RAB2A: variants seen among roughly 807,000 people sequenced by gnomAD.
The protein encoded by RAB2A is ras-related protein Rab-2A.
A neutral mutation model predicts 32.5 loss-of-function variants in RAB2A; 7 were observed. The observed-to-expected ratio is 0.22, with a 90% CI of 0.12 to 0.40. The LOEUF is 0.40. RAB2A is among the 10% of genes least tolerant of loss of function. The pLI is 1.00. For synonymous variants in RAB2A, 79 were observed against 85.2 expected (o/e 0.93, Z 0.40); for missense variants, 108 against 260.7 (o/e 0.41, Z 4.03).
At position 60,557,332 on chromosome 8, in the gene RAB2A, A is replaced by G. The variant is rs543334621; in HGVS notation, c.47-1520A>G. 3.9e-5 allele frequency among the ~76,000 whole-genome samples: 6 copies of G among 152,232 alleles called. No homozygotes were observed. In the South Asian group the frequency reaches 1.2e-3, roughly 32 times the overall value. On this transcript the variant is annotated intron_variant, in intron 1 of 7. Coordinates refer to ENST00000262646, the MANE Select transcript of RAB2A (RefSeq NM_002865.3). Reference sequence around the variant, plus strand: ...GGAGTTTGAGACCAGCCTGGCCAACATAGCAACACCCTGTCTCTACTAAAG... The same window carrying G: ...GGAGTTTGAGACCAGCCTGGCCAACGTAGCAACACCCTGTCTCTACTAAAG...
chr8:60,523,466 A>G lies in RAB2A; in HGVS notation c.46+6213A>G, dbSNP rs575238031. Among the ~76,000 whole-genome samples the G allele has an allele frequency of 2.5e-4, 38 of 152,068 alleles. No individual in the cohort carries two copies. The South Asian group carries it at 5.8e-3, about 23-fold the overall frequency. ...GCCACCACGCCCGGCCAAGGACTCCACATTCTTACATATGTCTCTTTCTCA... is the reference window on the plus strand; with the variant it reads ...GCCACCACGCCCGGCCAAGGACTCCGCATTCTTACATATGTCTCTTTCTCA... On this transcript the variant is annotated intron_variant, in intron 1 of 7. Transcript: ENST00000262646.
At chr8:60,578,525 T>G (rs1803680383) in intron 3 of RAB2A, among the ~76,000 whole-genome samples, 1 of 152,008 alleles carries the variant, frequency 6.6e-6, no homozygotes, top group African/African-American at 2.4e-5. Flanking sequence ...ATTTTCAGAC[T>G]ATAGACAAGA....
At chr8:60,521,946 G>C (rs1198047180) in intron 1 of RAB2A, among the ~76,000 whole-genome samples, 2 of 152,170 alleles carry the variant, frequency 1.3e-5, no homozygotes, top group Non-Finnish European at 2.9e-5. Flanking sequence ...TGATGCAAGT[G>C]ATTTGGAGCA....
chr8:60,610,813 T>TA (rs1804329924), intron 6 of RAB2A, among the ~76,000 whole-genome samples: 1 of 152,222 alleles, frequency 6.6e-6, no homozygotes, highest in African/African-American at 2.4e-5. Flanking sequence ...GTCATATACT[T>TA]ACACACTCAC....
chr8:60,602,757 TAGAA>T (rs1563483981), intron 6 of RAB2A, among the ~76,000 whole-genome samples: 1 of 152,218 alleles, frequency 6.6e-6, no homozygotes, highest in Non-Finnish European at 1.5e-5. Context: ...CCCTTGGACT[TAGAA>T]AGAAACAGCA....
At chr8:60,591,621 C>G (rs1365265946) in intron 5 of RAB2A, 1 of 328,746 alleles carries the variant, frequency 3.0e-6, no homozygotes, top group Non-Finnish European at 5.7e-6. Flanking sequence ...ACGGCTAGTT[C>G]TAACGTTCTA....
chr8:60,551,206 C>A (rs1807842581), intron 1 of RAB2A, among the ~76,000 whole-genome samples: 1 of 152,186 alleles, frequency 6.6e-6, no homozygotes, highest in African/African-American at 2.4e-5. Flanking sequence ...CTATTTCTCT[C>A]CCTCTTCTGT....
chr8:60,602,524 A>G (rs906146973), intron 6 of RAB2A, among the ~76,000 whole-genome samples: 1 of 152,212 alleles, frequency 6.6e-6, no homozygotes, highest in Non-Finnish European at 1.5e-5. Flanking sequence ...CTTCCTCCTT[A>G]GAGAAGTAGG....
chr8:60,596,909 A>T (rs1804039878), intron 6 of RAB2A, among the ~76,000 whole-genome samples: 2 of 152,124 alleles, frequency 1.3e-5, no homozygotes, highest in Admixed American at 6.5e-5. Flanking sequence ...CGACAGAGTG[A>T]GACTCTGTCT....
chr8:60,604,358 TA>T (rs1173484937), intron 6 of RAB2A, among the ~76,000 whole-genome samples: 1 of 152,166 alleles, frequency 6.6e-6, no homozygotes, highest in African/African-American at 2.4e-5. Context: ...AAAGGACTGA[TA>T]CAGAAAATTG....
intron 3 of RAB2A, among the ~76,000 whole-genome samples, chr8:60,572,973 A>T (rs796424420): frequency 6.6e-6 from 1 of 152,214 alleles, no homozygotes; most frequent in South Asian, 2.1e-4. Context: ...GAGACTAGTG[A>T]TATCTGTCTG....
At chr8:60,596,896 C>T (rs182761311) in intron 6 of RAB2A, among the ~76,000 whole-genome samples, 7 of 152,024 alleles carry the variant, frequency 4.6e-5, no homozygotes, top group Admixed American at 3.9e-4. Flanking sequence ...ACTCCAGCCT[C>T]GGCGACAGAG....
At chr8:60,522,556 T>C (rs1807317555) in intron 1 of RAB2A, among the ~76,000 whole-genome samples, 1 of 152,298 alleles carries the variant, frequency 6.6e-6, no homozygotes, top group South Asian at 2.1e-4. Flanking sequence ...ACACATAGTA[T>C]TGGTGGTTTT....
intron 1 of RAB2A, among the ~76,000 whole-genome samples, chr8:60,555,412 A>G (rs1411776559): frequency 2.0e-5 from 3 of 150,820 alleles, no homozygotes; most frequent in Admixed American, 2.0e-4. Context: ...CTTCACAGCA[A>G]AGGAAACAAT....
At chr8:60,579,600 G>A (rs1264305573) in intron 3 of RAB2A, among the ~76,000 whole-genome samples, 1 of 151,824 alleles carries the variant, frequency 6.6e-6, no homozygotes, top group Non-Finnish European at 1.5e-5. Context: ...TAGTGAAGAG[G>A]ATCAAACACA....
intron 3 of RAB2A, among the ~76,000 whole-genome samples, chr8:60,577,517 A>G (rs1803656007): frequency 6.6e-6 from 1 of 152,160 alleles, no homozygotes; most frequent in Non-Finnish European, 1.5e-5. Flanking sequence ...CCTAAAAATC[A>G]CTTTGATTCT....
chr8:60,554,467 G>A (rs1274923038), intron 1 of RAB2A, among the ~76,000 whole-genome samples: 2 of 152,170 alleles, frequency 1.3e-5, no homozygotes, highest in Non-Finnish European at 2.9e-5. Context: ...TGGGTAGGGT[G>A]AATCACAGGT....
chr8:60,615,738 C>G (rs1253389459), intron 6 of RAB2A, among the ~76,000 whole-genome samples: 1 of 152,092 alleles, frequency 6.6e-6, no homozygotes, highest in Non-Finnish European at 1.5e-5. Context: ...ATTTCAAAGT[C>G]CATGGCCACA....
intron 1 of RAB2A, chr8:60,552,471 T>A (rs1318341103): frequency 6.6e-6 from 1 of 152,174 alleles, no homozygotes; most frequent in Non-Finnish European, 1.5e-5. Context: ...GGGAAAAAAA[T>A]TCTCTATATT....
Sources: gnomAD v4.1 joint callset for allele counts (sites outside exome capture counted in the v4.1 genomes callset) on GRCh38, gnomAD v4.1.1 for gene constraint, MANE v1.5 for transcripts, NCBI Gene and HGNC (gene_info 2026-07-23, HGNC 2026-07-21) for gene names.